Variants in NTNG2 observed in about 807,000 individuals in gnomAD.
NTNG2 encodes netrin G2.
A neutral mutation model predicts 47.6 loss-of-function variants in NTNG2; 15 were observed. The ratio of observed to expected loss-of-function variants is 0.32; its 90% confidence interval spans 0.21 to 0.49. The LOEUF (loss-of-function observed/expected upper bound fraction) is 0.49, where lower values mean the gene tolerates loss of function less well. NTNG2 is among the 20% of genes least tolerant of loss of function. The pLI, the probability that NTNG2 is intolerant of heterozygous loss-of-function variation, is 0.99. For missense variants in NTNG2, 578 were observed against 764.6 expected (o/e 0.76, Z 2.88); for synonymous variants, 307 against 324.6 (o/e 0.95, Z 0.58).
chr9:132,191,713 A>G (rs1406920613), intron 2 of NTNG2, among the ~76,000 whole-genome samples: 1 of 151,772 alleles, frequency 6.6e-6, no homozygotes, highest in Non-Finnish European at 1.5e-5. Context: ...CTGGGACTAC[A>G]GGCGCCCGCC....
At chr9:132,188,219 C>A (rs558885261) in intron 2 of NTNG2, among the ~76,000 whole-genome samples, 2 of 152,362 alleles carry the variant, frequency 1.3e-5, no homozygotes, top group East Asian at 3.9e-4. Context: ...TCCTGGGCAG[C>A]CTCCAGCCTT....
At chr9:132,240,844 T>G (rs1841927609) in intron 6 of NTNG2, 66 bp from the exon 7 acceptor site, 12 of 1,606,814 alleles carry the variant, frequency 7.5e-6, no homozygotes, top group Non-Finnish European at 9.3e-6. Flanking sequence ...GCCGGGAGAG[T>G]GGGGGTCCGA....
intron 2 of NTNG2, among the ~76,000 whole-genome samples, chr9:132,184,370 T>C (rs1369322932): frequency 1.3e-5 from 2 of 152,094 alleles, no homozygotes; most frequent in Non-Finnish European, 2.9e-5. Flanking sequence ...TGTGTCAGGC[T>C]CCGCCCCTGC....
intron 2 of NTNG2, among the ~76,000 whole-genome samples, chr9:132,178,341 C>T (rs1034755353): frequency 2.0e-5 from 3 of 152,198 alleles, no homozygotes; most frequent in African/African-American, 4.8e-5. Context: ...CCCTCTCCCA[C>T]GCAGCCAGGC....
At chr9:132,210,403 C>T (rs958123188) in intron 3 of NTNG2, among the ~76,000 whole-genome samples, 2 of 152,220 alleles carry the variant, frequency 1.3e-5, no homozygotes, top group Non-Finnish European at 2.9e-5. Context: ...CTCCGTCACT[C>T]GCCTGGGGCT....
rs78478439 is a variant in NTNG2 at position 132,169,741 on chromosome 9, C to T, written c.213+2697C>T. On this transcript the variant is annotated intron_variant, in intron 2 of 7. Coordinates refer to ENST00000393229, the MANE Select transcript of NTNG2 (RefSeq NM_032536.4). Reference sequence around the variant, plus strand: ...GGACGGCACAGCCCGGCCGTGCTGCCGTGGTACGTGCGGACACATAGTAGG... The same window carrying T: ...GGACGGCACAGCCCGGCCGTGCTGCTGTGGTACGTGCGGACACATAGTAGG... Among the ~76,000 whole-genome samples the T allele has an allele frequency of 4.0e-4, 61 of 152,302 alleles. No homozygotes were observed. The East Asian group carries it at 9.7e-3, about 24-fold the overall frequency.
chr9:132,184,985 G>T (rs1035848488), intron 2 of NTNG2, among the ~76,000 whole-genome samples: 3 of 152,190 alleles, frequency 2.0e-5, no homozygotes, highest in Non-Finnish European at 4.4e-5. Context: ...CCAGGCCCAG[G>T]GTTTGGACTT....
At chr9:132,223,511 C>T (rs1029515810) in intron 3 of NTNG2, among the ~76,000 whole-genome samples, 4 of 152,118 alleles carry the variant, frequency 2.6e-5, no homozygotes, top group African/African-American at 9.7e-5. Context: ...TCACCCCTCC[C>T]AGTGGAAGGG....
In NTNG2 at chr9:132,231,280, G is replaced by C. The variant is rs192825990; in HGVS notation, c.1054+685G>C. ...CAGACACTCACAGGGTGCCAGGCAC[G>C]GTCTCTCCTTTCAGCCTTGCAAACC... On this transcript the variant is annotated intron_variant, in intron 5 of 7. Coordinates refer to ENST00000393229, the MANE Select transcript of NTNG2 (RefSeq NM_032536.4). The surrounding 1 kb of genome is among the most constrained non-coding windows in gnomAD (Gnocchi z 4.1). 2.2e-6 allele frequency: 1 copy of C among 455,968 alleles called. No homozygotes were observed. The highest frequency in any genetic ancestry group is 2.4e-5 in the Admixed American group (1 of 42,532). 28.2% of individuals were successfully genotyped at this position (455,968 alleles called of 1,614,324 possible). A position where few individuals can be genotyped will look rare whatever the true frequency, so the allele number is the denominator to read the frequency against.
Position 132,167,020 on chromosome 9 carries a change from C to G in NTNG2, c.189C>G (p.Asp63Glu). The change falls in exon 2 of 8, where the codon GAC becomes GAG. Residue 63 changes from aspartate (D) to glutamate (E), a missense_variant. Asp to Glu is a conservative substitution (Grantham distance 45). Coordinates refer to ENST00000393229, the MANE Select transcript of NTNG2 (RefSeq NM_032536.4). ...AGCCCTCAGGCATCACATGTGGAGA[C>G]CCCCCTGAGAGGTTCTGCTCCCATG... ...KVEPSGITCG[D>E]PPERFCSHEN... 1 of 1,614,192 alleles carries G rather than the reference C, an allele frequency of 6.2e-7. No individual in the cohort carries two copies. Among genetic ancestry groups the G allele is most frequent in the South Asian group, 1.1e-5 (1 of 91,086 alleles).
At chr9:132,196,405 C>T (rs1838320608) in intron 2 of NTNG2, among the ~76,000 whole-genome samples, 1 of 152,112 alleles carries the variant, frequency 6.6e-6, no homozygotes, top group Admixed American at 6.5e-5. Flanking sequence ...GTTGGTCAGG[C>T]TTGTCTTGAA....
At chr9:132,177,359 AG>A (rs1263793820) in intron 2 of NTNG2, among the ~76,000 whole-genome samples, 2 of 152,212 alleles carry the variant, frequency 1.3e-5, no homozygotes, top group Non-Finnish European at 2.9e-5. Flanking sequence ...GTCATATCTA[AG>A]AAACCACTGC....
rs191873437 is a variant in NTNG2 at position 132,163,199 on chromosome 9, G to C, written c.-484+960G>C. Among the ~76,000 whole-genome samples the C allele has an allele frequency of 5.4e-4, 82 of 152,280 alleles. No homozygotes were observed. In the East Asian group the frequency reaches 0.012, roughly 22 times the overall value. ...CGCAACTTTGGGAAGACGAAAAGCA[G>C]CTGCGGGGCTGCCGGGTCGTCGGTG... On this transcript the variant is annotated intron_variant, in intron 1 of 7. Coordinates refer to ENST00000393229, the MANE Select transcript of NTNG2 (RefSeq NM_032536.4). The surrounding 1 kb of genome is among the most constrained non-coding windows in gnomAD (Gnocchi z 7.2).
rs12003562 is a variant in NTNG2, at chr9:132,237,341, G to A, written c.1055-1763G>A. 5.9e-5 allele frequency among the ~76,000 whole-genome samples: 9 copies of A among 152,288 alleles called. No homozygotes were observed. In the East Asian group the frequency reaches 1.2e-3, roughly 20 times the overall value. ...GCCTGCCCTAGAGCTGGCCCAGGGCGGCTCGGAAGCCTTTGCTGGGCTCTT... is the reference window on the plus strand; with the variant it reads ...GCCTGCCCTAGAGCTGGCCCAGGGCAGCTCGGAAGCCTTTGCTGGGCTCTT... On this transcript the variant is annotated intron_variant, in intron 5 of 7. Coordinates refer to ENST00000393229, the MANE Select transcript of NTNG2 (RefSeq NM_032536.4).
chr9:132,175,870 A>G (rs1256906854), intron 2 of NTNG2, among the ~76,000 whole-genome samples: 1 of 143,626 alleles, frequency 7.0e-6, no homozygotes, highest in Non-Finnish European at 1.5e-5. Context: ...TGCCAGGTAC[A>G]TTCTGGGAGT....
In NTNG2 at chr9:132,162,531, TGA is replaced by T. The variant is rs199960941; in HGVS notation, c.-484+296_-484+297del. Reference sequence around the variant, plus strand: ...CCCCGGGTCCTTTCCGTCGTGTGTGTGAGAGTGTGTGTGTGTGTGTGTGTGAG... The same window carrying T: ...CCCCGGGTCCTTTCCGTCGTGTGTGTGAGTGTGTGTGTGTGTGTGTGTGAG... On this transcript the variant is annotated intron_variant, in intron 1 of 7. Coordinates refer to ENST00000393229, the MANE Select transcript of NTNG2 (RefSeq NM_032536.4). The surrounding 1 kb of genome is among the most constrained non-coding windows in gnomAD (Gnocchi z 4.6). Among the ~76,000 whole-genome samples, 10 of 122,324 alleles carry T rather than the reference TGA, an allele frequency of 8.2e-5. No individual in the cohort carries two copies. The highest frequency in any genetic ancestry group is 3.0e-4 in the Admixed American group (4 of 13,186). The allele number at this position is 122,324 out of a possible 152,430, so 80.2% of individuals were successfully genotyped here.
At chr9:132,241,274 G>A (rs1344325358) in intron 7 of NTNG2, among the ~76,000 whole-genome samples, 1 of 151,996 alleles carries the variant, frequency 6.6e-6, no homozygotes, top group East Asian at 1.9e-4. Flanking sequence ...GTGAGAGCGG[G>A]GCAGGGTTGG....
rs138460326 is a variant in NTNG2 at position 132,226,833 on chromosome 9, C to T, written c.858-16C>T. 15 of 1,578,250 alleles carry T rather than the reference C, an allele frequency of 9.5e-6. No homozygotes were observed. In the African/African-American group the frequency reaches 1.9e-4, roughly 20 times the overall value. On this transcript the variant is annotated splice_polypyrimidine_tract_variant and intron_variant, in intron 3 of 7. Transcript: ENST00000393229. The surrounding 1 kb of genome is among the most constrained non-coding windows in gnomAD (Gnocchi z 4.8). ...ACAAGCTCTCTGACATCTCTGCCCT[C>T]TCGGTGTCTCCCCAGGTGCAAGTGC...
intron 2 of NTNG2, among the ~76,000 whole-genome samples, chr9:132,194,325 C>T (rs943196739): frequency 5.3e-5 from 8 of 152,234 alleles, no homozygotes; most frequent in Non-Finnish European, 1.2e-4. Context: ...TCACAGCACC[C>T]TTCCCGGCTG....
Sources: allele counts gnomAD v4.1 joint callset (sites outside exome capture counted in the v4.1 genomes callset), GRCh38; gene constraint gnomAD v4.1.1; non-coding constraint Gnocchi (gnomAD v3.1); transcripts MANE v1.5; gene names NCBI Gene and HGNC (gene_info 2026-07-23, HGNC 2026-07-21).